The following EPCIP variants were observed in gnomAD, a reference collection of about 807,000 sequenced individuals.
The protein encoded by EPCIP is exosomal polycystin 1 interacting protein.
the EPCIP span, among the ~76,000 whole-genome samples, chr21:32,799,350 T>A: frequency 6.6e-6 from 1 of 152,212 alleles, no homozygotes; most frequent in Admixed American, 6.5e-5. Flanking sequence ...AATTGGCTCC[T>A]TTACTGGAGG....
the EPCIP span, chr21:32,794,505 T>G: frequency 4.6e-6 from 6 of 1,293,110 alleles, no homozygotes; most frequent in Non-Finnish European, 6.4e-6. Flanking sequence ...AAGAGGCAGC[T>G]TTATCACAAC....
chr21:32,798,172 A>C, the EPCIP span: 10 of 152,174 alleles, frequency 6.6e-5, no homozygotes, highest in Non-Finnish European at 1.3e-4. Context: ...TAATCTCTAC[A>C]AATAAAATAA....
At chr21:32,795,187 CA>C in the EPCIP span, among the ~76,000 whole-genome samples, 2 of 152,268 alleles carry the variant, frequency 1.3e-5, no homozygotes, top group South Asian at 4.1e-4. Context: ...CGATTAATCA[CA>C]ATTATTTTGA....
the EPCIP span, among the ~76,000 whole-genome samples, chr21:32,812,066 G>A: frequency 6.6e-6 from 1 of 152,246 alleles, no homozygotes; most frequent in Non-Finnish European, 1.5e-5. Context: ...AGGACAATAT[G>A]AGCAGAGTGC....
the EPCIP span, among the ~76,000 whole-genome samples, chr21:32,806,852 C>T: frequency 6.6e-6 from 1 of 152,068 alleles, no homozygotes; most frequent in Non-Finnish European, 1.5e-5. Context: ...AAGACATACC[C>T]AAGCCTGGGT....
At chr21:32,793,453 G>T in the EPCIP span, 1 of 479,042 alleles carries the variant, frequency 2.1e-6, no homozygotes, top group Non-Finnish European at 3.7e-6. Context: ...CATTTCTGAC[G>T]GGACATTTCC....
chr21:32,794,499 G>A, the EPCIP span: 5 of 1,379,246 alleles, frequency 3.6e-6, no homozygotes, highest in African/African-American at 4.3e-5. Flanking sequence ...AAAGAAAAGA[G>A]GCAGCTTTAT....
chr21:32,812,996 T>G, the EPCIP span, among the ~76,000 whole-genome samples: 1 of 152,212 alleles, frequency 6.6e-6, no homozygotes, highest in Non-Finnish European at 1.5e-5. Context: ...TTAGCTTACT[T>G]TCTTTTCTTT....
chr21:32,792,755 T>C, the EPCIP span, among the ~76,000 whole-genome samples: 2 of 152,212 alleles, frequency 1.3e-5, no homozygotes, highest in African/African-American at 4.8e-5. Context: ...TCTGGAACAC[T>C]GGTCCCCCCA....
the EPCIP span, among the ~76,000 whole-genome samples, chr21:32,800,025 A>C: frequency 0.72 from 108,747 of 151,744 alleles, 39,768 homozygotes; most frequent in East Asian, 0.91. Context: ...TTTGATTTTT[A>C]ATTGCTATAA....
At chr21:32,813,113 G>A in the EPCIP span, among the ~76,000 whole-genome samples, 5 of 152,018 alleles carry the variant, frequency 3.3e-5, no homozygotes, top group African/African-American at 1.2e-4. Flanking sequence ...CCGGTGTTTT[G>A]GGAGTTCTCA....
chr21:32,798,282 C>G, the EPCIP span: 4 of 152,322 alleles, frequency 2.6e-5, no homozygotes, highest in East Asian at 7.7e-4. Context: ...GTTTAAGCCA[C>G]CCTGTTGTGG....
the EPCIP span, among the ~76,000 whole-genome samples, chr21:32,796,211 T>C: frequency 1.3e-5 from 2 of 152,186 alleles, no homozygotes; most frequent in African/African-American, 4.8e-5. Context: ...TGGGGCGTCA[T>C]AGCCCAAAGC....
At chr21:32,800,822 C>A in the EPCIP span, among the ~76,000 whole-genome samples, 25 of 11,860 alleles carry the variant, frequency 2.1e-3, 2 homozygotes, top group African/African-American at 2.5e-3. Context: ...AAAAAAAAAA[C>A]CAAAAAAAAA....
At chr21:32,805,260 C>A in the EPCIP span, among the ~76,000 whole-genome samples, 12 of 152,128 alleles carry the variant, frequency 7.9e-5, no homozygotes, top group African/African-American at 2.9e-4. Context: ...CCTACTGACA[C>A]CCTCACAGTA....
the EPCIP span, among the ~76,000 whole-genome samples, chr21:32,793,030 G>A: frequency 6.6e-6 from 1 of 151,776 alleles, no homozygotes; most frequent in Non-Finnish European, 1.5e-5. Flanking sequence ...CACGATTTTG[G>A]CTCACTGCAA....
At chr21:32,799,262 C>T in the EPCIP span, among the ~76,000 whole-genome samples, 1 of 152,200 alleles carries the variant, frequency 6.6e-6, no homozygotes, top group Non-Finnish European at 1.5e-5. Flanking sequence ...TCAGCAAACA[C>T]TAAAGCACCA....
the EPCIP span, among the ~76,000 whole-genome samples, chr21:32,811,327 T>G: frequency 6.6e-6 from 1 of 152,194 alleles, no homozygotes; most frequent in Non-Finnish European, 1.5e-5. Context: ...AGACTGGGTT[T>G]CGCCATTTTG....
the EPCIP span, among the ~76,000 whole-genome samples, chr21:32,795,373 T>C: frequency 6.6e-6 from 1 of 152,192 alleles, no homozygotes; most frequent in Non-Finnish European, 1.5e-5. Flanking sequence ...CTACAGTGTC[T>C]GGCATATGAC....
Sources: gnomAD v4.1 joint callset for allele counts (sites outside exome capture counted in the v4.1 genomes callset) on GRCh38, gnomAD v4.1.1 for gene constraint, MANE v1.5 for transcripts, NCBI Gene and HGNC (gene_info 2026-07-23, HGNC 2026-07-21) for gene names.